The following MDGA2 variants were observed in gnomAD, a reference collection of about 807,000 sequenced individuals.
MDGA2 encodes MAM domain containing glycosylphosphatidylinositol anchor 2, also known as MAM domain-containing glycosylphosphatidylinositol anchor protein 2.
In MDGA2, 40 loss-of-function variants were observed where a neutral mutation model predicts 117.8. The ratio of observed to expected loss-of-function variants is 0.34; its 90% CI spans 0.26 to 0.44. MDGA2 has a LOEUF of 0.44. Among genes scored for constraint, MDGA2 ranks in the 20% least tolerant of loss-of-function variants. The pLI, the probability that MDGA2 is intolerant of heterozygous loss-of-function variation, is 1.00. For missense variants in MDGA2, 1,123 were observed against 1,250.6 expected, an observed-to-expected ratio of 0.90 and a Z score of 1.54; for synonymous variants, 452 against 439.0, an observed-to-expected ratio of 1.03 and a Z score of -0.37.
intron 3 of MDGA2, among the ~76,000 whole-genome samples, chr14:47,154,629 C>G (rs1260598399): frequency 1.3e-5 from 2 of 149,748 alleles, no homozygotes; most frequent in South Asian, 4.2e-4. Flanking sequence ...CTGTCAAGAC[C>G]AGGCCTGGTG....
In MDGA2 at chr14:47,058,532, G is replaced by C. The variant is rs919014524; in HGVS notation, c.1525+2717C>G. On this transcript the variant is annotated intron_variant, in intron 7 of 16. Coordinates refer to ENST00000399232, the MANE Select transcript of MDGA2 (RefSeq NM_001113498.3). ...GATATAATCCAAGATTTCCTTGTAT[G>C]CTATAGCTTATTCATTTTCACTGTT... is the stretch of plus-strand genomic sequence containing the variant. 17 of 984,238 alleles carry C rather than the reference G, an allele frequency of 1.7e-5. No homozygotes were observed. In the African/African-American group the frequency reaches 2.8e-4, roughly 16 times the overall value. The allele number at this position is 984,238 out of a possible 1,614,324, so 61.0% of individuals were successfully genotyped here. A position where few individuals can be genotyped will look rare whatever the true frequency, so the allele number is the denominator to read the frequency against.
At position 47,218,084 on chromosome 14, in the gene MDGA2, A is replaced by C; in HGVS notation, c.532T>G (p.Tyr178Asp). 1 of 1,551,536 alleles carries C rather than the reference A, an allele frequency of 6.4e-7. No individual in the cohort carries two copies. Among genetic ancestry groups the C allele is most frequent in the Non-Finnish European group, 8.7e-7 (1 of 1,146,754 alleles). ...CCCAAGCCATTCTCTGCTTTACAGT[A>C]ATACCGGCCTCCTTGGTGTCGCTGA... ...NIQRHQGGRY[Y>D]CKAENGLGSP... is the part of the protein sequence containing the mutation. Residue 178 changes from tyrosine (Y) to aspartate (D), a missense_variant, in exon 3 of 17, where the codon TAC becomes GAC. Tyr to Asp is a radical substitution (Grantham distance 160). Coordinates refer to ENST00000399232, the MANE Select transcript of MDGA2 (RefSeq NM_001113498.3).
At chr14:46,998,589 A>G (rs1032326088) in intron 8 of MDGA2, among the ~76,000 whole-genome samples, 1 of 152,102 alleles carries the variant, frequency 6.6e-6, no homozygotes, top group Non-Finnish European at 1.5e-5. Flanking sequence ...CAAAATGAGA[A>G]AAGCTCGTGG....
chr14:47,419,991 C>G (rs17118585), intron 1 of MDGA2, among the ~76,000 whole-genome samples: 97,961 of 151,776 alleles, frequency 0.65, 31,758 homozygotes, highest in Middle Eastern at 0.74. Context: ...AAAGCTAGTA[C>G]TAAAAATGAT....
chr14:47,643,645 A>G (rs1302611823), intron 1 of MDGA2, among the ~76,000 whole-genome samples: 1 of 152,182 alleles, frequency 6.6e-6, no homozygotes, highest in Non-Finnish European at 1.5e-5. Context: ...ATCTCTTCTT[A>G]AAAGGTCTGC....
At chr14:47,657,052 C>CTGGG (rs1232716481) in intron 1 of MDGA2, among the ~76,000 whole-genome samples, 1 of 152,176 alleles carries the variant, frequency 6.6e-6, no homozygotes, top group Non-Finnish European at 1.5e-5. Flanking sequence ...TCCCAGCTAT[C>CTGGG]TGCCAGAGTC....
intron 2 of MDGA2, among the ~76,000 whole-genome samples, chr14:47,234,644 A>G (rs1008953080): frequency 2.0e-5 from 3 of 152,124 alleles, no homozygotes; most frequent in African/African-American, 7.2e-5. Flanking sequence ...AATGACATAC[A>G]TTCCAAGACG....
At chr14:47,268,499 A>G (rs1232233560) in intron 2 of MDGA2, among the ~76,000 whole-genome samples, 1 of 152,210 alleles carries the variant, frequency 6.6e-6, no homozygotes, top group Non-Finnish European at 1.5e-5. Flanking sequence ...AACAGAAAAG[A>G]CAGGAATACA....
At chr14:47,604,983 T>C (rs1335941320) in intron 1 of MDGA2, among the ~76,000 whole-genome samples, 1 of 151,416 alleles carries the variant, frequency 6.6e-6, no homozygotes, top group Non-Finnish European at 1.5e-5. Flanking sequence ...TTCATGGTTT[T>C]TTTTTAAACC....
chr14:47,013,772 G>GTATGTATATATATATA (rs1555343312), intron 8 of MDGA2, among the ~76,000 whole-genome samples: 3 of 93,706 alleles, frequency 3.2e-5, no homozygotes, highest in Non-Finnish European at 4.4e-5. Context: ...TAATTTCCTT[G>GTATGTATATATATATA]TATATATATA....
chr14:47,548,687 A>G (rs901194289), intron 1 of MDGA2, among the ~76,000 whole-genome samples: 2 of 152,130 alleles, frequency 1.3e-5, no homozygotes, highest in Admixed American at 1.3e-4. Context: ...CAAAGCCTCG[A>G]GATCAGTCAA....
intron 1 of MDGA2, among the ~76,000 whole-genome samples, chr14:47,603,723 G>C (rs368914001): frequency 3.3e-5 from 5 of 151,884 alleles, no homozygotes; most frequent in Admixed American, 3.3e-4. Context: ...ATTTGGATGT[G>C]TCCCCTCTAA....
rs558895549 is a variant in MDGA2 at position 46,881,025 on chromosome 14, C to T, written c.2416+1019G>A. Among the ~76,000 whole-genome samples the T allele has an allele frequency of 3.7e-3, 564 of 151,534 alleles. 3 individuals are homozygous for T. The highest frequency in any genetic ancestry group is 0.013 in the African/African-American group (545 of 41,398). ...ACTATCACTAACACACACACACACA[C>T]ACACACACACACACACAAACATTTA... is the stretch of plus-strand genomic sequence containing the variant. On this transcript the variant is annotated intron_variant, in intron 11 of 16. Transcript: ENST00000399232.
chr14:47,005,448 C>T (rs1378181998), intron 8 of MDGA2, among the ~76,000 whole-genome samples: 1 of 151,536 alleles, frequency 6.6e-6, no homozygotes, highest in Non-Finnish European at 1.5e-5. Flanking sequence ...TTCATATTCT[C>T]AGCATAAACT....
chr14:47,136,839 T>C (rs1265163628), intron 4 of MDGA2, among the ~76,000 whole-genome samples: 1 of 152,154 alleles, frequency 6.6e-6, no homozygotes, highest in African/African-American at 2.4e-5. Flanking sequence ...ATGGTAGTAA[T>C]AGGAACTTTA....
At chr14:47,563,498 C>T (rs1895853502) in intron 1 of MDGA2, among the ~76,000 whole-genome samples, 1 of 149,618 alleles carries the variant, frequency 6.7e-6, no homozygotes, top group Non-Finnish European at 1.5e-5. Flanking sequence ...AAGCAATGCC[C>T]TTCTTCACCT....
At chr14:47,249,142 C>A (rs1459984772) in intron 2 of MDGA2, among the ~76,000 whole-genome samples, 1 of 151,870 alleles carries the variant, frequency 6.6e-6, no homozygotes, top group Admixed American at 6.6e-5. Flanking sequence ...CTCAGCCCCC[C>A]GAGTAGATGG....
At chr14:46,980,831 C>T (rs1319435632) in intron 8 of MDGA2, among the ~76,000 whole-genome samples, 2 of 152,076 alleles carry the variant, frequency 1.3e-5, no homozygotes, top group African/African-American at 4.8e-5. Flanking sequence ...AGACATAATG[C>T]TATTGCACAC....
At chr14:47,189,217 C>T (rs566197055) in intron 3 of MDGA2, among the ~76,000 whole-genome samples, 85 of 152,214 alleles carry the variant, frequency 5.6e-4, no homozygotes, top group Admixed American at 1.0e-3. Flanking sequence ...CTCCCTCCCC[C>T]ATCCATATAT....
Sources: allele counts gnomAD v4.1 joint callset (sites outside exome capture counted in the v4.1 genomes callset), GRCh38; gene constraint gnomAD v4.1.1; transcripts MANE v1.5; gene names NCBI Gene and HGNC (gene_info 2026-07-23, HGNC 2026-07-21).